Variants in MECOM observed in about 807,000 individuals in gnomAD.
MECOM encodes MDS1 and EVI1 complex locus.
In MECOM, 13 loss-of-function variants were observed where a neutral mutation model predicts 116.3. That is an observed-to-expected ratio of 0.11 (90% CI 0.07 to 0.18). The LOEUF (loss-of-function observed/expected upper bound fraction) is 0.18. Among genes scored for constraint, MECOM ranks in the 10% least tolerant of loss-of-function variants. The pLI is 1.00. For missense variants in MECOM, 1,299 were observed against 1,509.0 expected, an observed-to-expected ratio of 0.86 and a Z score of 2.31; for synonymous variants, 528 against 535.2, an observed-to-expected ratio of 0.99 and a Z score of 0.19.
intron 1 of MECOM, among the ~76,000 whole-genome samples, chr3:169,663,006 C>A (rs1349797058): frequency 6.8e-6 from 1 of 147,726 alleles, no homozygotes; most frequent in Non-Finnish European, 1.5e-5. Context: ...CCACCCCACC[C>A]CTTCGCGCTC....
intron 1 of MECOM, among the ~76,000 whole-genome samples, chr3:169,533,026 G>A (rs1560401022): frequency 3.3e-5 from 5 of 152,112 alleles, no homozygotes; most frequent in Non-Finnish European, 7.4e-5. Flanking sequence ...AACAGGCACT[G>A]GCATATATAT....
At chr3:169,553,700 G>A in intron 1 of MECOM, among the ~76,000 whole-genome samples, 1 of 152,200 alleles carries the variant, frequency 6.6e-6, no homozygotes, top group Non-Finnish European at 1.5e-5. Context: ...GGTGTTCGCA[G>A]GTTTGGTGTC....
intron 2 of MECOM, among the ~76,000 whole-genome samples, chr3:169,233,032 G>A (rs540041804): frequency 4.7e-4 from 72 of 152,118 alleles, no homozygotes; most frequent in African/African-American, 1.6e-3. Context: ...GAGTAATTAT[G>A]CTCTATAATT....
At chr3:169,236,966 A>C (rs998873720) in intron 2 of MECOM, among the ~76,000 whole-genome samples, 1 of 152,188 alleles carries the variant, frequency 6.6e-6, no homozygotes, top group African/African-American at 2.4e-5. Flanking sequence ...TTAGCTTCTT[A>C]CTTGACCTCT....
intron 2 of MECOM, among the ~76,000 whole-genome samples, chr3:169,168,981 A>G (rs563314713): frequency 8.6e-5 from 13 of 151,974 alleles, no homozygotes; most frequent in Admixed American, 2.6e-4. Context: ...TAATATAGAT[A>G]AAATTTAGAC....
intron 11 of MECOM, among the ~76,000 whole-genome samples, 188 bp downstream of exon 11, chr3:169,101,872 C>A (rs1196687379): frequency 6.6e-6 from 1 of 152,176 alleles, no homozygotes; most frequent in Non-Finnish European, 1.5e-5. Context: ...TTAAAATTCA[C>A]ATTTAATAAT....
intron 1 of MECOM, among the ~76,000 whole-genome samples, chr3:169,661,785 C>A (rs1374618003): frequency 6.6e-6 from 1 of 152,184 alleles, no homozygotes; most frequent in African/African-American, 2.4e-5. Context: ...TTCTAATGTG[C>A]GAGGGTCGCG....
At chr3:169,221,235 T>C (rs935859820) in intron 2 of MECOM, among the ~76,000 whole-genome samples, 12 of 152,340 alleles carry the variant, frequency 7.9e-5, no homozygotes, top group African/African-American at 2.9e-4. Flanking sequence ...AAACAAATGT[T>C]AACTAATAGT....
At chr3:169,292,112 G>A (rs1714679215) in intron 2 of MECOM, among the ~76,000 whole-genome samples, 1 of 152,104 alleles carries the variant, frequency 6.6e-6, no homozygotes, top group South Asian at 2.1e-4. Flanking sequence ...GGAGGCCGAG[G>A]CAGGTGGATC....
intron 1 of MECOM, among the ~76,000 whole-genome samples, chr3:169,574,972 G>A (rs1447705344): frequency 6.6e-6 from 1 of 152,096 alleles, no homozygotes. Flanking sequence ...ATGGTAATTG[G>A]ATGGGTCAGG....
chr3:169,535,421 T>C (rs1021963611), intron 1 of MECOM, among the ~76,000 whole-genome samples: 4 of 152,132 alleles, frequency 2.6e-5, no homozygotes, highest in Non-Finnish European at 5.9e-5. Context: ...AAGGCAAACA[T>C]GAAAGAAAAT....
intron 2 of MECOM, among the ~76,000 whole-genome samples, chr3:169,327,311 AT>A (rs1474059881): frequency 6.6e-6 from 1 of 152,176 alleles, no homozygotes; most frequent in Non-Finnish European, 1.5e-5. Context: ...AGCCAAATGG[AT>A]GATATTTTCT....
At chr3:169,644,912 A>G (rs887184755) in intron 1 of MECOM, among the ~76,000 whole-genome samples, 3 of 152,196 alleles carry the variant, frequency 2.0e-5, no homozygotes, top group Admixed American at 2.0e-4. Context: ...TTTTATAAAT[A>G]CACACTCATG....
chr3:169,388,109 C>G (rs1733667301), intron 1 of MECOM, among the ~76,000 whole-genome samples: 1 of 151,956 alleles, frequency 6.6e-6, no homozygotes, highest in South Asian at 2.1e-4. Flanking sequence ...AGGAGAACAG[C>G]TCGGCCAAAC....
chr3:169,243,971 G>A (rs1414446203), intron 2 of MECOM, among the ~76,000 whole-genome samples: 2 of 152,174 alleles, frequency 1.3e-5, no homozygotes, highest in Non-Finnish European at 2.9e-5. Flanking sequence ...CAATTGCAGG[G>A]CTCAAGTATT....
chr3:169,552,931 T>A (rs554290051), intron 1 of MECOM, among the ~76,000 whole-genome samples: 1 of 152,152 alleles, frequency 6.6e-6, no homozygotes, highest in East Asian at 1.9e-4. Flanking sequence ...AAGGTAAATA[T>A]CCTATCATTA....
chr3:169,553,803 C>G (rs962308076), intron 1 of MECOM, among the ~76,000 whole-genome samples: 1 of 152,162 alleles, frequency 6.6e-6, no homozygotes, highest in African/African-American at 2.4e-5. Flanking sequence ...TCTCTGGTGT[C>G]TCTCTCTATG....
chr3:169,607,851 G>A (rs755281575), intron 1 of MECOM, among the ~76,000 whole-genome samples: 1 of 152,210 alleles, frequency 6.6e-6, no homozygotes, highest in Non-Finnish European at 1.5e-5. Flanking sequence ...AGAATGGAAG[G>A]CTCTGCTTGG....
intron 1 of MECOM, among the ~76,000 whole-genome samples, chr3:169,502,549 T>C (rs1388626035): frequency 6.6e-6 from 1 of 152,106 alleles, no homozygotes; most frequent in African/African-American, 2.4e-5. Context: ...ACACATCAAA[T>C]GCATAAATGT....
Sources: gnomAD v4.1 joint callset for allele counts (sites outside exome capture counted in the v4.1 genomes callset) on GRCh38, gnomAD v4.1.1 for gene constraint, MANE v1.5 for transcripts, NCBI Gene and HGNC (gene_info 2026-07-23, HGNC 2026-07-21) for gene names.